The following SH3BP4 variants were observed in gnomAD, a reference collection of about 807,000 sequenced individuals.
SH3BP4 encodes SH3 domain binding protein 4, also known as SH3 domain-binding protein 4.
A neutral mutation model predicts 65.5 loss-of-function variants in SH3BP4; 33 were observed. That is an observed-to-expected ratio of 0.50 (90% CI 0.38 to 0.67). SH3BP4 has a LOEUF of 0.67. SH3BP4 is among the 30% of genes least tolerant of loss of function. The pLI, the probability that SH3BP4 is intolerant of heterozygous loss-of-function variation, is 0.00. For missense variants in SH3BP4, 1,134 were observed against 1,261.4 expected (o/e 0.90, Z 1.53); for synonymous variants, 552 against 545.5 (o/e 1.01, Z -0.17).
chr2:235,018,147 G>A (rs539170602), intron 2 of SH3BP4, among the ~76,000 whole-genome samples: 11 of 152,294 alleles, frequency 7.2e-5, no homozygotes, highest in Admixed American at 3.3e-4. Flanking sequence ...GGGCAGGGAG[G>A]TTGCAGGAGG....
chr2:235,040,217 G>A (rs893235434), intron 3 of SH3BP4, among the ~76,000 whole-genome samples: 1 of 151,738 alleles, frequency 6.6e-6, no homozygotes, highest in African/African-American at 2.4e-5. Context: ...CCTGGGTGGC[G>A]GAGTGAGACA....
intron 1 of SH3BP4, among the ~76,000 whole-genome samples, chr2:234,985,859 C>T (rs1386415443): frequency 2.6e-5 from 4 of 151,202 alleles, no homozygotes; most frequent in Admixed American, 1.3e-4. Flanking sequence ...CCTGGATACA[C>T]GCCTATGAGC....
intron 2 of SH3BP4, among the ~76,000 whole-genome samples, chr2:235,027,250 T>A (rs1695029948): frequency 6.6e-6 from 1 of 152,248 alleles, no homozygotes; most frequent in East Asian, 1.9e-4. Context: ...TCCGTGATTT[T>A]GCCTTTGGAG....
At position 234,974,665 on chromosome 2, in the gene SH3BP4, G is replaced by T. The variant is rs1035424660; in HGVS notation, c.-206-20638G>T. On this transcript the variant is annotated intron_variant, in intron 1 of 5. Transcript: ENST00000392011. This position sits in a 1 kb window ranked among gnomAD's most constrained non-coding sequence, Gnocchi z 4.6. ...CTGGTCTCATTTTACACTAACAAGG[G>T]CTTCATGCAGCCCGCGGCCCAGGGC... Among the ~76,000 whole-genome samples the T allele has an allele frequency of 4.6e-5, 7 of 152,208 alleles. No homozygotes were observed. The highest frequency in any genetic ancestry group is 8.8e-5 in the Non-Finnish European group (6 of 68,042).
In SH3BP4 at chr2:235,054,068, CTTTT is replaced by C. The variant is rs746348092; in HGVS notation, c.*255_*258del. ...AAGTATAAATTTAAATTTAAAATCA[CTTTT>C]TTAACGAATGGGGGGAAGGGATCTA... On this transcript the variant is annotated 3_prime_UTR_variant, in exon 6 of 6. Transcript: ENST00000392011. 196 of 427,832 alleles carry C rather than the reference CTTTT, an allele frequency of 4.6e-4. No homozygotes were observed. Among genetic ancestry groups the C allele is most frequent in the Non-Finnish European group, 7.1e-4 (171 of 239,514 alleles). 26.5% of individuals were successfully genotyped at this position (427,832 alleles called of 1,614,324 possible).
intron 2 of SH3BP4, among the ~76,000 whole-genome samples, chr2:235,022,864 G>A (rs1024821526): frequency 6.6e-6 from 1 of 152,144 alleles, no homozygotes; most frequent in African/African-American, 2.4e-5. Context: ...AGTCTTGCTG[G>A]GAGGAGCAGG....
chr2:235,016,734 CT>C (rs1295938286), intron 2 of SH3BP4, among the ~76,000 whole-genome samples: 7 of 152,206 alleles, frequency 4.6e-5, no homozygotes, highest in African/African-American at 7.2e-5. Flanking sequence ...TGGTCTCGAT[CT>C]TCTGACTTCA....
chr2:234,980,192 G>GC (rs1456768474), intron 1 of SH3BP4, among the ~76,000 whole-genome samples: 2 of 152,074 alleles, frequency 1.3e-5, no homozygotes, highest in Non-Finnish European at 2.9e-5. Context: ...GGGATACAGG[G>GC]CCCCCAGAAG....
At position 234,976,619 on chromosome 2, in the gene SH3BP4, T is replaced by C. The variant is rs1574784179; in HGVS notation, c.-206-18684T>C. Among the ~76,000 whole-genome samples the C allele has an allele frequency of 6.6e-6, 1 of 151,334 alleles. No homozygotes were observed. The highest frequency in any genetic ancestry group is 6.6e-5 in the Admixed American group (1 of 15,170). ...AGCAAGCAGGGGCCTGCGGAAGGGGTTAAGAGGGGCTGGGCAGGTGACCAA... is the reference window on the plus strand; with the variant it reads ...AGCAAGCAGGGGCCTGCGGAAGGGGCTAAGAGGGGCTGGGCAGGTGACCAA... On this transcript the variant is annotated intron_variant, in intron 1 of 5. Transcript: ENST00000392011. The surrounding 1 kb of genome is among the most constrained non-coding windows in gnomAD (Gnocchi z 4.7).
intron 2 of SH3BP4, among the ~76,000 whole-genome samples, chr2:235,028,806 C>T (rs900105192): frequency 6.6e-6 from 1 of 152,166 alleles, no homozygotes; most frequent in Admixed American, 6.5e-5. Context: ...CGTGTCTAGG[C>T]TGGGGCCTTC....
intron 4 of SH3BP4, among the ~76,000 whole-genome samples, chr2:235,043,920 C>T (rs1695759366): frequency 6.6e-6 from 1 of 152,236 alleles, no homozygotes; most frequent in Non-Finnish European, 1.5e-5. Context: ...AAGAGCATTC[C>T]AGTTACTTTT....
At chr2:235,038,238 TTA>T (rs201795739) in intron 3 of SH3BP4, among the ~76,000 whole-genome samples, 6,698 of 69,590 alleles carry the variant, frequency 0.096, 1,156 homozygotes, top group African/African-American at 0.27. Flanking sequence ...TATATGTATT[TTA>T]TATATATATT....
chr2:234,958,431 G>T (rs900829531), intron 1 of SH3BP4, among the ~76,000 whole-genome samples: 1 of 152,080 alleles, frequency 6.6e-6, no homozygotes. Context: ...CCCTGGGGGG[G>T]TGTCTGGGGA....
At chr2:234,971,282 C>T (rs1413144745) in intron 1 of SH3BP4, among the ~76,000 whole-genome samples, 1 of 152,230 alleles carries the variant, frequency 6.6e-6, no homozygotes, top group Non-Finnish European at 1.5e-5. Flanking sequence ...GCATATTTCA[C>T]TTAGCATAGT....
chr2:235,032,200 G>A (rs1215558397), intron 2 of SH3BP4, among the ~76,000 whole-genome samples: 2 of 152,140 alleles, frequency 1.3e-5, no homozygotes, highest in African/African-American at 4.8e-5. Context: ...GGGGGTGGGA[G>A]CACCCCAGTC....
In SH3BP4 at chr2:235,041,540, C is replaced by A. The variant is rs141919221; in HGVS notation, c.771C>A (p.Ser257=). 730 of 1,614,162 alleles carry A rather than the reference C, an allele frequency of 4.5e-4. 7 individuals are homozygous for A. In the African/African-American group the frequency reaches 8.6e-3, roughly 19 times the overall value. Reference sequence around the variant, plus strand: ...AACTCTCCGTCCTCCAAGCCAAGTCCGATGCTCCCACATCGTCGAGTTTCT... The same window carrying A: ...AACTCTCCGTCCTCCAAGCCAAGTCAGATGCTCCCACATCGTCGAGTTTCT... ...LSELSVLQAK[S]DAPTSSSFFT... Residue 257 remains serine (S), a synonymous_variant, in exon 4 of 6, where the codon TCC becomes TCA. Coordinates refer to ENST00000392011, the MANE Select transcript of SH3BP4 (RefSeq NM_014521.3). This position sits in a 1 kb window ranked among gnomAD's most constrained non-coding sequence, Gnocchi z 6.0.
In SH3BP4 at chr2:234,978,472, T is replaced by A. The variant is rs913868592; in HGVS notation, c.-206-16831T>A. ...CCACACTGCCCCAAGGCCCCACTGG[T>A]CATCCGTCCAGCACTCTGTGCTCGC... On this transcript the variant is annotated intron_variant, in intron 1 of 5. Coordinates refer to ENST00000392011, the MANE Select transcript of SH3BP4 (RefSeq NM_014521.3). The surrounding 1 kb of genome is among the most constrained non-coding windows in gnomAD (Gnocchi z 4.1). 2.6e-5 allele frequency among the ~76,000 whole-genome samples: 4 copies of A among 152,306 alleles called. No homozygotes were observed. The East Asian group carries it at 5.8e-4, about 22-fold the overall frequency.
intron 3 of SH3BP4, among the ~76,000 whole-genome samples, chr2:235,038,376 C>CTTT (rs1695509443): frequency 4.0e-4 from 5 of 12,358 alleles, no homozygotes; most frequent in African/African-American, 7.2e-4. Context: ...AATATATATA[C>CTTT]ATATATATAT....
At position 235,054,217 on chromosome 2, in the gene SH3BP4, T is replaced by C. The variant is rs1321201675; in HGVS notation, c.*401T>C. 1 of 166,638 alleles carries C rather than the reference T, an allele frequency of 6.0e-6. No homozygotes were observed. The highest frequency in any genetic ancestry group is 1.3e-5 in the Non-Finnish European group (1 of 75,586). The allele number at this position is 166,638 out of a possible 1,614,324, so 10.3% of individuals were successfully genotyped here. A position where few individuals can be genotyped will look rare whatever the true frequency, so the allele number is the denominator to read the frequency against. ...TTTTAAATTATGTTAGAGATGTATA[T>C]AGGTATTTAAAGGTCACTGGGAGCG... On this transcript the variant is annotated 3_prime_UTR_variant, in exon 6 of 6. Transcript: ENST00000392011.
Sources: allele counts gnomAD v4.1 joint callset (sites outside exome capture counted in the v4.1 genomes callset), GRCh38; gene constraint gnomAD v4.1.1; non-coding constraint Gnocchi (gnomAD v3.1); transcripts MANE v1.5; gene names NCBI Gene and HGNC (gene_info 2026-07-23, HGNC 2026-07-21).